The following COL24A1 variants were observed in gnomAD, a reference collection of about 807,000 sequenced individuals.
COL24A1 encodes collagen alpha-1(XXIV) chain.
A neutral mutation model predicts 253.9 loss-of-function variants in COL24A1; 224 were observed. The observed-to-expected ratio is 0.88, with a 90% CI of 0.79 to 0.99. The LOEUF is 0.99. Ranked by LOEUF, COL24A1 falls within the 50% of genes least tolerant of loss-of-function variation. The pLI is 0.00. For synonymous variants in COL24A1, 685 were observed against 673.7 expected, an observed-to-expected ratio of 1.02 and a Z score of -0.26; for missense variants, 2,131 against 2,068.5, an observed-to-expected ratio of 1.03 and a Z score of -0.59.
intron 18 of COL24A1, among the ~76,000 whole-genome samples, chr1:86,021,096 A>C (rs759354720): frequency 1.3e-5 from 2 of 152,144 alleles, no homozygotes; most frequent in Non-Finnish European, 2.9e-5. Flanking sequence ...GTAATTTAAT[A>C]CTGCTTCCTG....
At chr1:86,084,492 T>C (rs1462945384) in intron 7 of COL24A1, among the ~76,000 whole-genome samples, 3 of 152,164 alleles carry the variant, frequency 2.0e-5, no homozygotes, top group Non-Finnish European at 2.9e-5. Flanking sequence ...TGCTAATCTC[T>C]TTAAGTAGTA....
chr1:85,792,707 C>A (rs11161673), intron 47 of COL24A1, among the ~76,000 whole-genome samples: 15,698 of 150,580 alleles, frequency 0.1, 1,112 homozygotes, highest in South Asian at 0.17. Flanking sequence ...GACCCTGTCT[C>A]AAAAATAAAC....
intron 2 of COL24A1, among the ~76,000 whole-genome samples, chr1:86,142,800 A>C (rs1651347462): frequency 6.6e-6 from 1 of 152,158 alleles, no homozygotes; most frequent in Non-Finnish European, 1.5e-5. Context: ...TTCCACACTG[A>C]AAAGGCCTAC....
chr1:85,802,492 CT>C (rs1268634445), intron 47 of COL24A1, among the ~76,000 whole-genome samples: 2 of 152,204 alleles, frequency 1.3e-5, no homozygotes, highest in Admixed American at 6.5e-5. Context: ...CTCCAGTTAT[CT>C]TTTGGTATCA....
In COL24A1 at chr1:85,979,491, G is replaced by A. The variant is rs144648396; in HGVS notation, c.2365-8098C>T. Among the ~76,000 whole-genome samples the A allele has an allele frequency of 2.7e-4, 41 of 151,990 alleles. No individual in the cohort carries two copies. In the East Asian group the frequency reaches 2.9e-3, roughly 11 times the overall value. On this transcript the variant is annotated intron_variant, in intron 20 of 59. Coordinates refer to ENST00000370571, the MANE Select transcript of COL24A1 (RefSeq NM_152890.7). ...AGATCCAAATAAGTTCAATAGAAACGAAATGGGAGATATTACAACTGATAC... is the reference window on the plus strand; with the variant it reads ...AGATCCAAATAAGTTCAATAGAAACAAAATGGGAGATATTACAACTGATAC...
Position 85,868,636 on chromosome 1 carries a change from A to G in COL24A1, c.3193-10T>C. ...TTCCTCCTGGTACTCCCTGTAATGC[A>G]ATAAAAAAGTTTTCTATAAAGGAAT... On this transcript the variant is annotated splice_polypyrimidine_tract_variant and intron_variant, in intron 36 of 59. Coordinates refer to ENST00000370571, the MANE Select transcript of COL24A1 (RefSeq NM_152890.7). The G allele has an allele frequency of 6.2e-7, 1 of 1,607,010 alleles. No homozygotes were observed. The highest frequency in any genetic ancestry group is 1.1e-5 in the South Asian group (1 of 90,498).
In COL24A1 at chr1:85,987,480, G is replaced by T. The variant is rs1693821668; in HGVS notation, c.2364+121C>A. On this transcript the variant is annotated intron_variant, in intron 20 of 59. Coordinates refer to ENST00000370571, the MANE Select transcript of COL24A1 (RefSeq NM_152890.7). ...AACCTAAAGTTTATTAAATGTACCT[G>T]AGACAGCTTAAAAATATCCAGAAAT... 49 of 883,738 alleles carry T rather than the reference G, an allele frequency of 5.5e-5. 1 individual carries two copies. The South Asian group carries it at 7.5e-4, about 14-fold the overall frequency. 54.7% of individuals were successfully genotyped at this position (883,738 alleles called of 1,614,324 possible).
At chr1:85,770,518 T>TAA (rs150301307) in intron 53 of COL24A1, among the ~76,000 whole-genome samples, 123 of 147,268 alleles carry the variant, frequency 8.4e-4, no homozygotes, top group Admixed American at 4.1e-3. Context: ...TCTCTTGCAA[T>TAA]AAAAAAAAAA....
chr1:85,789,903 A>C (rs1028320179), intron 47 of COL24A1, among the ~76,000 whole-genome samples: 2 of 152,208 alleles, frequency 1.3e-5, no homozygotes, highest in African/African-American at 2.4e-5. Context: ...GGTGAAGCCA[A>C]CTTGATCATG....
chr1:85,873,454 A>G (rs1680769088), intron 35 of COL24A1, among the ~76,000 whole-genome samples: 1 of 152,206 alleles, frequency 6.6e-6, no homozygotes, highest in African/African-American at 2.4e-5. Flanking sequence ...TCCATCAATG[A>G]TAGACTGGAT....
At chr1:86,060,370 T>C (rs34848727) in intron 8 of COL24A1, among the ~76,000 whole-genome samples, 15,598 of 152,118 alleles carry the variant, frequency 0.1, 876 homozygotes, top group Middle Eastern at 0.2. Context: ...ACCTAAAATT[T>C]CTTTCCTGTT....
chr1:85,787,561 C>T lies in COL24A1; in HGVS notation c.3952-1100G>A, dbSNP rs1004026092. The stretch of plus-strand genomic sequence containing the variant: ...ATGATCTCATTCCTTTTTATGGCTG[C>T]ATAGTATTCCATGCTGTATATGTAC... On this transcript the variant is annotated intron_variant, in intron 47 of 59. Transcript: ENST00000370571. Among the ~76,000 whole-genome samples, 6 of 152,312 alleles carry T rather than the reference C, an allele frequency of 3.9e-5. No individual in the cohort carries two copies. The East Asian group carries it at 5.8e-4, about 15-fold the overall frequency.
chr1:86,130,832 G>A (rs967495309), intron 2 of COL24A1, among the ~76,000 whole-genome samples: 2 of 151,872 alleles, frequency 1.3e-5, no homozygotes, highest in African/African-American at 4.8e-5. Context: ...TAGTTTGTAT[G>A]GCATTTATAT....
chr1:85,966,680 A>C (rs1396885927), intron 22 of COL24A1, among the ~76,000 whole-genome samples: 3 of 152,130 alleles, frequency 2.0e-5, no homozygotes, highest in Non-Finnish European at 4.4e-5. Context: ...ATTCTGAAAA[A>C]TAGAAATATT....
At chr1:85,800,354 C>G (rs769544920) in intron 47 of COL24A1, among the ~76,000 whole-genome samples, 1 of 152,186 alleles carries the variant, frequency 6.6e-6, no homozygotes, top group African/African-American at 2.4e-5. Flanking sequence ...AACGTCAATC[C>G]TATTCCTGCC....
At chr1:85,800,601 T>C (rs2101777883) in intron 47 of COL24A1, among the ~76,000 whole-genome samples, 1 of 152,150 alleles carries the variant, frequency 6.6e-6, no homozygotes, top group South Asian at 2.1e-4. Context: ...TAAAGTGATG[T>C]CAGGAAGCCA....
chr1:85,853,659 A>G (rs573063519), intron 37 of COL24A1, among the ~76,000 whole-genome samples: 4 of 152,352 alleles, frequency 2.6e-5, no homozygotes, highest in African/African-American at 9.6e-5. Flanking sequence ...AATAAAAGCC[A>G]TTCTGACTGG....
At chr1:85,824,810 C>T (rs928031440) in intron 43 of COL24A1, among the ~76,000 whole-genome samples, 33 of 152,132 alleles carry the variant, frequency 2.2e-4, no homozygotes, top group African/African-American at 7.5e-4. Flanking sequence ...TATTTTCATA[C>T]GTTACAGAAA....
At chr1:85,778,160 G>A (rs1271927850) in intron 52 of COL24A1, among the ~76,000 whole-genome samples, 1 of 151,446 alleles carries the variant, frequency 6.6e-6, no homozygotes, top group Non-Finnish European at 1.5e-5. Flanking sequence ...CTGGAGTGCA[G>A]TGGCATGATC....
Sources: allele counts gnomAD v4.1 joint callset (sites outside exome capture counted in the v4.1 genomes callset), GRCh38; gene constraint gnomAD v4.1.1; transcripts MANE v1.5; gene names NCBI Gene and HGNC (gene_info 2026-07-23, HGNC 2026-07-21).